ZNF423: variants seen among roughly 807,000 people sequenced by gnomAD.
ZNF423 encodes the protein Ebf-associated zinc finger protein.
ZNF423 carries 12 observed loss-of-function variants against 95.8 expected under a neutral mutation model. The ratio of observed to expected loss-of-function variants is 0.13; its 90% CI spans 0.08 to 0.20. The LOEUF is 0.20. Ranked by LOEUF, ZNF423 falls within the 10% of genes least tolerant of loss-of-function variation. The pLI is 1.00. For missense variants in ZNF423, 1,316 were observed against 1,737.1 expected (o/e 0.76, Z 4.31); for synonymous variants, 749 against 711.9 (o/e 1.05, Z -0.83).
In ZNF423 at chr16:49,543,973, G is replaced by A. The variant is rs72784297; in HGVS notation, c.3602-18479C>T. ...AGGTGCCTATAAAGCACTGAGTAGA[G>A]TGGGCTGATAGAATGCAACAACTGT... On this transcript the variant is annotated intron_variant, in intron 5 of 7. Transcript: ENST00000563137. Among the ~76,000 whole-genome samples, 1,169 of 152,354 alleles carry A rather than the reference G, an allele frequency of 7.7e-3. 7 individuals are homozygous for A. Among genetic ancestry groups the A allele is most frequent in the Admixed American group, 0.014 (212 of 15,300 alleles).
chr16:49,528,390 G>T (rs943073023), intron 5 of ZNF423, among the ~76,000 whole-genome samples: 1 of 152,066 alleles, frequency 6.6e-6, no homozygotes. Context: ...GGGCCCAAAC[G>T]GCTACCATTT....
intron 1 of ZNF423, among the ~76,000 whole-genome samples, chr16:49,793,809 G>A (rs533245977): frequency 3.3e-5 from 5 of 152,276 alleles, no homozygotes; most frequent in African/African-American, 9.6e-5. Flanking sequence ...CATGCAGGGT[G>A]GATGTGAATA....
At chr16:49,512,456 C>T (rs145938610) in intron 7 of ZNF423, among the ~76,000 whole-genome samples, 9 of 152,344 alleles carry the variant, frequency 5.9e-5, no homozygotes, top group Non-Finnish European at 8.8e-5. Context: ...AAGAGAATGC[C>T]GGTGACTTGC....
intron 7 of ZNF423, among the ~76,000 whole-genome samples, chr16:49,514,185 A>AACAC (rs10597628): frequency 0.1 from 14,903 of 142,760 alleles, 872 homozygotes; most frequent in Middle Eastern, 0.16. Context: ...CTGACCACCC[A>AACAC]ACACACACAC....
At position 49,649,598 on chromosome 16, in the gene ZNF423, T is replaced by C. The variant is rs577601178; in HGVS notation, c.302-10724A>G. Among the ~76,000 whole-genome samples the C allele has an allele frequency of 9.9e-5, 15 of 152,076 alleles. No individual in the cohort carries two copies. The South Asian group carries it at 1.5e-3, about 15-fold the overall frequency. Reference sequence around the variant, plus strand: ...ATCTCCGTGTCAATTAATTACTGTTTAAACATTAAACACTAAAGAAACCCT... The same window carrying C: ...ATCTCCGTGTCAATTAATTACTGTTCAAACATTAAACACTAAAGAAACCCT... On this transcript the variant is annotated intron_variant, in intron 3 of 7. Transcript: ENST00000563137.
At chr16:49,726,610 T>C (rs2033021159) in intron 3 of ZNF423, among the ~76,000 whole-genome samples, 1 of 152,148 alleles carries the variant, frequency 6.6e-6, no homozygotes, top group African/African-American at 2.4e-5. Flanking sequence ...CTGCCCATCC[T>C]TGGCAATTCA....
intron 5 of ZNF423, among the ~76,000 whole-genome samples, chr16:49,559,844 A>C: frequency 6.6e-6 from 1 of 152,210 alleles, no homozygotes; most frequent in Non-Finnish European, 1.5e-5. Flanking sequence ...GCACGATCCC[A>C]GTCAAGAAAG....
At chr16:49,498,588 C>T (rs1196341430) in intron 7 of ZNF423, among the ~76,000 whole-genome samples, 1 of 152,192 alleles carries the variant, frequency 6.6e-6, no homozygotes, top group Non-Finnish European at 1.5e-5. Context: ...CAGGGAGAAG[C>T]TCATGCCTCC....
At chr16:49,747,805 C>G (rs538858726) in intron 2 of ZNF423, among the ~76,000 whole-genome samples, 7 of 152,260 alleles carry the variant, frequency 4.6e-5, no homozygotes, top group Admixed American at 1.3e-4. Flanking sequence ...TCCAATCCAG[C>G]GCTTTCTCAG....
chr16:49,834,719 C>T (rs554793509), intron 1 of ZNF423, among the ~76,000 whole-genome samples: 1 of 152,210 alleles, frequency 6.6e-6, no homozygotes, highest in Non-Finnish European at 1.5e-5. Flanking sequence ...ACTCGGAGCA[C>T]GCTGTGTGCC....
intron 1 of ZNF423, among the ~76,000 whole-genome samples, chr16:49,797,037 C>T (rs1014715795): frequency 6.6e-6 from 1 of 152,140 alleles, no homozygotes; most frequent in African/African-American, 2.4e-5. Flanking sequence ...ATCCCTGTCC[C>T]AGCAGAGGTG....
At chr16:49,670,101 C>T (rs899009899) in intron 3 of ZNF423, among the ~76,000 whole-genome samples, 32 of 152,188 alleles carry the variant, frequency 2.1e-4, no homozygotes, top group Admixed American at 4.6e-4. Context: ...GGGAGGCTCA[C>T]GCCAGGGCTG....
At chr16:49,631,119 T>C (rs1235134789) in intron 4 of ZNF423, among the ~76,000 whole-genome samples, 4 of 152,090 alleles carry the variant, frequency 2.6e-5, no homozygotes, top group African/African-American at 9.7e-5. Flanking sequence ...CAGATGGGCA[T>C]GTTCACACTC....
intron 7 of ZNF423, among the ~76,000 whole-genome samples, chr16:49,521,313 C>T (rs1484435786): frequency 6.6e-6 from 1 of 152,216 alleles, no homozygotes; most frequent in Non-Finnish European, 1.5e-5. Context: ...TTTATATGCA[C>T]TCACGGGTTT....
At chr16:49,801,067 C>G (rs1003100855) in intron 1 of ZNF423, among the ~76,000 whole-genome samples, 1 of 152,252 alleles carries the variant, frequency 6.6e-6, no homozygotes, top group Non-Finnish European at 1.5e-5. Flanking sequence ...CAGGAACCCA[C>G]GTGAATTAAA....
chr16:49,843,453 C>G (rs542647573), intron 1 of ZNF423, among the ~76,000 whole-genome samples: 1 of 152,202 alleles, frequency 6.6e-6, no homozygotes, highest in Admixed American at 6.5e-5. Flanking sequence ...TATGGTGGAG[C>G]CCAGGTAATG....
chr16:49,661,994 T>C (rs143355587), intron 3 of ZNF423, among the ~76,000 whole-genome samples: 5 of 152,306 alleles, frequency 3.3e-5, no homozygotes, highest in African/African-American at 1.2e-4. Context: ...ACATGGCACA[T>C]GCTCAATGAA....
intron 5 of ZNF423, among the ~76,000 whole-genome samples, chr16:49,528,675 G>A (rs964432292): frequency 6.6e-6 from 1 of 152,020 alleles, no homozygotes; most frequent in Non-Finnish European, 1.5e-5. Flanking sequence ...TTCTGAAGAC[G>A]AGGCCTTCTC....
At chr16:49,732,879 C>A (rs1345909235) in intron 2 of ZNF423, among the ~76,000 whole-genome samples, 1 of 152,210 alleles carries the variant, frequency 6.6e-6, no homozygotes, top group African/African-American at 2.4e-5. Context: ...TTGCACGACA[C>A]GCCGCCTGGA....
Sources: gnomAD v4.1 joint callset for allele counts (sites outside exome capture counted in the v4.1 genomes callset) on GRCh38, gnomAD v4.1.1 for gene constraint, MANE v1.5 for transcripts, NCBI Gene and HGNC (gene_info 2026-07-23, HGNC 2026-07-21) for gene names.